The following CES1 variants were observed in gnomAD, a reference collection of about 807,000 sequenced individuals.
CES1 encodes the protein carboxylesterase 1, also known as liver carboxylesterase 1.
CES1 carries 50 observed loss-of-function variants against 53.0 expected under a neutral mutation model. That is an observed-to-expected ratio of 0.94 (90% CI 0.75 to 1.19). The LOEUF is 1.19. Among genes scored for constraint, CES1 ranks in the 50% most tolerant of loss-of-function variants. The pLI is 0.00. For synonymous variants in CES1, 202 were observed against 210.1 expected (o/e 0.96, Z 0.33); for missense variants, 534 against 538.0 (o/e 0.99, Z 0.07).
At chr16:55,832,008 G>T (rs4784571) in intron 1 of CES1, among the ~76,000 whole-genome samples, 1 of 150,020 alleles carries the variant, frequency 6.7e-6, no homozygotes, top group African/African-American at 2.5e-5. Context: ...TCCCTCCCAG[G>T]GTCCAGCCAC....
Position 55,828,729 on chromosome 16 carries a change from T to A in CES1, c.260+38A>T, listed in dbSNP as rs573629287. 40 of 1,613,678 alleles carry A rather than the reference T, an allele frequency of 2.5e-5. No individual in the cohort carries two copies. The African/African-American group carries it at 4.3e-4, about 17-fold the overall frequency. On this transcript the variant is annotated intron_variant, in intron 2 of 13. Coordinates refer to ENST00000360526, the MANE Select transcript of CES1 (RefSeq NM_001025195.2). The stretch of plus-strand genomic sequence containing the variant: ...GCCTTGACTCCTTCCTGCATCACTT[T>A]GAGGTAAACATCCCCAAGGACACAT...
chr16:55,828,674 C>T (rs539275826), intron 2 of CES1, 93 bp downstream of exon 2: 53 of 1,394,164 alleles, frequency 3.8e-5, no homozygotes, highest in East Asian at 3.2e-4. Flanking sequence ...TTAAGGAGTC[C>T]AGAGCAAAGG....
intron 8 of CES1, among the ~76,000 whole-genome samples, chr16:55,814,392 C>G (rs556773871): frequency 6.6e-6 from 1 of 152,152 alleles, no homozygotes; most frequent in South Asian, 2.1e-4. Flanking sequence ...TACGATAGAG[C>G]GTGGATGTTG....
rs1163602628 is a variant in CES1 at position 55,814,772 on chromosome 16, A to G, written c.946-1729T>C. On this transcript the variant is annotated intron_variant, in intron 8 of 13. Transcript: ENST00000360526. ...GCTTCTGGGACCTTTGGTCTGCTCT[A>G]CAAAAGCCAATGAATGACGAGCTAG... Among the ~76,000 whole-genome samples, 6 of 152,362 alleles carry G rather than the reference A, an allele frequency of 3.9e-5. No individual in the cohort carries two copies. The South Asian group carries it at 8.3e-4, about 21-fold the overall frequency.
chr16:55,830,526 C>T (rs1333998642), intron 1 of CES1, among the ~76,000 whole-genome samples: 3 of 152,054 alleles, frequency 2.0e-5, no homozygotes, highest in East Asian at 1.9e-4. Context: ...ACTTGGAGAC[C>T]AGGCACAGTG....
intron 9 of CES1, among the ~76,000 whole-genome samples, 163 bp from the exon 10 acceptor site, chr16:55,811,173 G>GT (rs752595837): frequency 0.01 from 275 of 26,228 alleles, no homozygotes; most frequent in Non-Finnish European, 0.042. Context: ...TGAATCAAAT[G>GT]GGCTTATATC....
intron 2 of CES1, chr16:55,827,867 A>G (rs2032478632): frequency 6.6e-6 from 1 of 152,188 alleles, no homozygotes; most frequent in Admixed American, 6.5e-5. Flanking sequence ...TACAAACAAT[A>G]TATTACATCA....
In CES1 at chr16:55,819,658, A is replaced by G; in HGVS notation, c.802-19T>C. On this transcript the variant is annotated intron_variant, in intron 6 of 13. Coordinates refer to ENST00000360526, the MANE Select transcript of CES1 (RefSeq NM_001025195.2). ...CAATTTGCTGCAAAGATCACAGGCAACAACAGAGTTCAAGAGCGACATCCC... is the reference window on the plus strand; with the variant it reads ...CAATTTGCTGCAAAGATCACAGGCAGCAACAGAGTTCAAGAGCGACATCCC... 6.3e-7 allele frequency: 1 copy of G among 1,590,890 alleles called. No homozygotes were observed. Among genetic ancestry groups the G allele is most frequent in the Non-Finnish European group, 8.6e-7 (1 of 1,158,876 alleles).
In CES1 at chr16:55,821,423, G is replaced by A; in HGVS notation, c.638C>T (p.Pro213Leu). The A allele has an allele frequency of 1.2e-6, 2 of 1,614,182 alleles. No individual in the cohort carries two copies. Among genetic ancestry groups the A allele is most frequent in the Non-Finnish European group, 1.7e-6 (2 of 1,180,034 alleles). ...CTCTCCAAAGATGGTCACAGAGCCTGGGTTCCCTCCAAAGCTGGCAATGTT... is the reference window on the plus strand; with the variant it reads ...CTCTCCAAAGATGGTCACAGAGCCTAGGTTCCCTCCAAAGCTGGCAATGTT... ...QDNIASFGGN[P>L]GSVTIFGESA... Residue 213 changes from proline to leucine, a missense_variant, in exon 5 of 14, where the codon CCA (proline) becomes CTA (leucine). Transcript: ENST00000360526.
intron 7 of CES1, among the ~76,000 whole-genome samples, chr16:55,819,327 T>C (rs562949109): frequency 4.9e-4 from 74 of 152,352 alleles, no homozygotes; most frequent in African/African-American, 1.7e-3. Flanking sequence ...TGGGGATTGT[T>C]ACACAATTTT....
At position 55,819,534 on chromosome 16, in the gene CES1, C is replaced by A. The variant is rs4513095; in HGVS notation, c.906+1G>T. 0.02 allele frequency: 32,336 copies of A among 1,604,458 alleles called. 6 individuals are homozygous for A. Among genetic ancestry groups the A allele is most frequent in the East Asian group, 0.068 (3,021 of 44,344 alleles). On this transcript the variant is annotated splice_donor_variant, in intron 7 of 13. Transcript: ENST00000360526. LOFTEE classifies it high-confidence loss of function. ...TTGGGCTACGGGAACAGGCAACCTA[C>A]CATTTTCAATGTCGTCTCCAAGAGC...
At chr16:55,820,161 CCCTT>C in intron 6 of CES1, 2 of 574,172 alleles carry the variant, frequency 3.5e-6, no homozygotes, top group Non-Finnish European at 6.4e-6. Flanking sequence ...CTTGGCAAAT[CCCTT>C]CCAAGCCCTG....
Position 55,812,566 on chromosome 16 carries a change from T to G in CES1, c.1086+337A>C, listed in dbSNP as rs760358087. On this transcript the variant is annotated intron_variant, in intron 9 of 13. Coordinates refer to ENST00000360526, the MANE Select transcript of CES1 (RefSeq NM_001025195.2). ...GGGAAGCCAGGAAGCCCCCGACTGC[T>G]TCTCCGGACTCCTCCACTCCTTCCC... 1.3e-4 allele frequency: 52 copies of G among 392,068 alleles called. 1 individual carries two copies. Among genetic ancestry groups the G allele is most frequent in the African/African-American group, 5.4e-4 (26 of 48,514 alleles). The allele number at this position is 392,068 out of a possible 1,614,324, so 24.3% of individuals were successfully genotyped here.
intron 11 of CES1, among the ~76,000 whole-genome samples, chr16:55,809,840 G>A (rs140638411): frequency 4.8e-4 from 73 of 152,244 alleles, no homozygotes; most frequent in African/African-American, 1.4e-3. Context: ...ACCCTTCCAC[G>A]ACTCATCTTT....
intron 11 of CES1, among the ~76,000 whole-genome samples, chr16:55,809,112 G>C (rs1302586491): frequency 4.7e-4 from 13 of 27,746 alleles, no homozygotes; most frequent in Admixed American, 6.5e-4. Context: ...AAAAAAAAAA[G>C]CCCTGAACTT....
intron 11 of CES1, among the ~76,000 whole-genome samples, chr16:55,808,926 G>T (rs2031554964): frequency 6.6e-6 from 1 of 152,018 alleles, no homozygotes; most frequent in Non-Finnish European, 1.5e-5. Flanking sequence ...TATAGCACTT[G>T]CCTCCAGGTA....
intron 1 of CES1, among the ~76,000 whole-genome samples, chr16:55,832,757 G>T (rs1287487101): frequency 6.6e-6 from 1 of 152,234 alleles, no homozygotes; most frequent in African/African-American, 2.4e-5. Flanking sequence ...CCTGAGGTGG[G>T]CCGGCTGTCG....
chr16:55,830,033 G>A (rs1211802230), intron 1 of CES1, among the ~76,000 whole-genome samples: 2 of 152,168 alleles, frequency 1.3e-5, no homozygotes, highest in African/African-American at 4.8e-5. Context: ...TTCCCTCCTA[G>A]GAAATGATTT....
At chr16:55,830,281 G>T (rs181230738) in intron 1 of CES1, among the ~76,000 whole-genome samples, 2 of 152,254 alleles carry the variant, frequency 1.3e-5, no homozygotes, top group Admixed American at 1.3e-4. Flanking sequence ...TGTTGTTGTT[G>T]CTAATTACAA....
Sources: allele counts gnomAD v4.1 joint callset (sites outside exome capture counted in the v4.1 genomes callset), GRCh38; gene constraint gnomAD v4.1.1; transcripts MANE v1.5; gene names NCBI Gene and HGNC (gene_info 2026-07-23, HGNC 2026-07-21).